ATG10: variants seen among roughly 807,000 people sequenced by gnomAD.
The protein encoded by ATG10 is ubiquitin-like-conjugating enzyme ATG10.
Under a neutral mutation model 32.1 loss-of-function variants are expected in ATG10, and 30 were observed. That is an observed-to-expected ratio of 0.94 (90% CI 0.70 to 1.27). The LOEUF is 1.27. Among genes scored for constraint, ATG10 ranks in the 50% most tolerant of loss-of-function variants. The pLI is 0.00. For missense variants in ATG10, 233 were observed against 262.3 expected, an observed-to-expected ratio of 0.89 and a Z score of 0.77; for synonymous variants, 87 against 91.5, an observed-to-expected ratio of 0.95 and a Z score of 0.28.
intron 5 of ATG10, among the ~76,000 whole-genome samples, chr5:82,198,287 C>G (rs1744938479): frequency 6.6e-6 from 1 of 152,112 alleles, no homozygotes; most frequent in Admixed American, 6.5e-5. Context: ...AAATAGAATG[C>G]TAAGTCGCCC....
intron 3 of ATG10, among the ~76,000 whole-genome samples, chr5:82,064,114 A>G (rs1649438409): frequency 6.6e-6 from 1 of 152,252 alleles, no homozygotes; most frequent in South Asian, 2.1e-4. Flanking sequence ...ATTATCTATC[A>G]TGAAAAATTA....
At chr5:82,003,478 A>G (rs1761906512) in intron 2 of ATG10, among the ~76,000 whole-genome samples, 1 of 152,224 alleles carries the variant, frequency 6.6e-6, no homozygotes, top group South Asian at 2.1e-4. Flanking sequence ...AAAGAAATCA[A>G]AGACAAGTTA....
chr5:82,006,683 C>T (rs1048628674), intron 2 of ATG10, among the ~76,000 whole-genome samples: 1 of 151,852 alleles, frequency 6.6e-6, no homozygotes, highest in Non-Finnish European at 1.5e-5. Context: ...GTAAATTTAC[C>T]ATCTTAACCA....
At chr5:82,093,546 T>C (rs1402147260) in intron 3 of ATG10, among the ~76,000 whole-genome samples, 1 of 152,180 alleles carries the variant, frequency 6.6e-6, no homozygotes, top group Non-Finnish European at 1.5e-5. Flanking sequence ...TACCACCTGT[T>C]TTTGTAAATA....
chr5:82,179,295 A>G (rs1259499373), intron 5 of ATG10, among the ~76,000 whole-genome samples: 1 of 152,098 alleles, frequency 6.6e-6, no homozygotes. Flanking sequence ...TTTATTCTTC[A>G]TTGTACATGC....
chr5:81,993,363 C>CTTTCTTTCTTTTCTT (rs1761537277), intron 2 of ATG10, among the ~76,000 whole-genome samples: 1 of 43,400 alleles, frequency 2.3e-5, no homozygotes, highest in Non-Finnish European at 4.7e-5. Context: ...TTCTTTCCTT[C>CTTTCTTTCTTTTCTT]TTTTCTTTTC....
intron 2 of ATG10, among the ~76,000 whole-genome samples, chr5:82,017,314 A>G (rs1229342791): frequency 6.6e-6 from 1 of 152,032 alleles, no homozygotes; most frequent in Admixed American, 6.5e-5. Flanking sequence ...AGCTTTTTGG[A>G]TGAGTCTTTA....
chr5:82,187,308 C>T (rs979127094), intron 5 of ATG10, among the ~76,000 whole-genome samples: 3 of 151,946 alleles, frequency 2.0e-5, no homozygotes, highest in Admixed American at 6.5e-5. Context: ...GTCAGGAGTT[C>T]GAGACCAGCC....
intron 3 of ATG10, among the ~76,000 whole-genome samples, chr5:82,138,430 G>T (rs577255236): frequency 6.6e-6 from 1 of 152,262 alleles, no homozygotes; most frequent in South Asian, 2.1e-4. Context: ...GGGCCAGAGT[G>T]CACCCTTCTT....
chr5:82,186,022 T>C (rs1427691902), intron 5 of ATG10, among the ~76,000 whole-genome samples: 2 of 152,244 alleles, frequency 1.3e-5, no homozygotes, highest in Non-Finnish European at 2.9e-5. Flanking sequence ...TGATGGCTGA[T>C]AATGACATCA....
In ATG10 at chr5:82,158,318, A is replaced by G. The variant is rs561696154; in HGVS notation, c.217-6081A>G. Among the ~76,000 whole-genome samples the G allele has an allele frequency of 6.6e-5, 10 of 152,172 alleles. No individual in the cohort carries two copies. In the South Asian group the frequency reaches 1.2e-3, roughly 19 times the overall value. On this transcript the variant is annotated intron_variant, in intron 3 of 7. Transcript: ENST00000282185. Reference sequence around the variant, plus strand: ...CAATATATTGTGACTTCTTTTTTCAATTACTCTTAATATCAAATGAAATAC... The same window carrying G: ...CAATATATTGTGACTTCTTTTTTCAGTTACTCTTAATATCAAATGAAATAC...
chr5:82,014,721 GTC>G (rs1441798897), intron 2 of ATG10, among the ~76,000 whole-genome samples: 5 of 152,136 alleles, frequency 3.3e-5, no homozygotes, highest in African/African-American at 1.2e-4. Flanking sequence ...GCCTATGTGT[GTC>G]TCTGCACGTG....
At chr5:81,993,049 C>A (rs970702419) in intron 2 of ATG10, among the ~76,000 whole-genome samples, 8 of 152,044 alleles carry the variant, frequency 5.3e-5, no homozygotes, top group Admixed American at 5.2e-4. Context: ...CCATTGTTTA[C>A]CATGATGGTC....
At chr5:82,191,139 C>T (rs977126800) in intron 5 of ATG10, among the ~76,000 whole-genome samples, 15 of 152,176 alleles carry the variant, frequency 9.9e-5, no homozygotes, top group African/African-American at 3.6e-4. Flanking sequence ...TAATGTGTTA[C>T]AGTCTGATGT....
chr5:82,139,734 G>C (rs577170377), intron 3 of ATG10, among the ~76,000 whole-genome samples: 9 of 130,694 alleles, frequency 6.9e-5, no homozygotes, highest in Non-Finnish European at 1.3e-4. Flanking sequence ...CCCCCTGCCC[G>C]GCCAGCCGCC....
chr5:82,096,900 A>G (rs1037646697), intron 3 of ATG10, among the ~76,000 whole-genome samples: 1 of 152,146 alleles, frequency 6.6e-6, no homozygotes, highest in African/African-American at 2.4e-5. Flanking sequence ...CTGTCTTTCA[A>G]TTACTTTCAT....
intron 5 of ATG10, among the ~76,000 whole-genome samples, chr5:82,184,632 C>T (rs142430462): frequency 7.4e-4 from 113 of 152,226 alleles, no homozygotes; most frequent in Non-Finnish European, 1.3e-3. Context: ...TTTACCTTAA[C>T]GGACTCCTTT....
At chr5:81,982,896 A>C (rs1761099259) in intron 1 of ATG10, among the ~76,000 whole-genome samples, 1 of 152,262 alleles carries the variant, frequency 6.6e-6, no homozygotes, top group South Asian at 2.1e-4. Context: ...TCACAGATCA[A>C]CAGGATAAGA....
rs541248181 is a variant in ATG10, at chr5:82,194,108, C to T, written c.453+15521C>T. ...AGAAATTATTGTGTCAACTAACTTGCGTTTCATACTGGGTTCAGGAAAGCC... is the reference window on the plus strand; with the variant it reads ...AGAAATTATTGTGTCAACTAACTTGTGTTTCATACTGGGTTCAGGAAAGCC... On this transcript the variant is annotated intron_variant, in intron 5 of 7. Transcript: ENST00000282185. Among the ~76,000 whole-genome samples the T allele has an allele frequency of 1.1e-3, 175 of 152,200 alleles. 2 individuals carry two copies. Among genetic ancestry groups the T allele is most frequent in the Admixed American group, 2.2e-3 (34 of 15,274 alleles).
Sources: allele counts gnomAD v4.1 joint callset (sites outside exome capture counted in the v4.1 genomes callset), GRCh38; gene constraint gnomAD v4.1.1; transcripts MANE v1.5; gene names NCBI Gene and HGNC (gene_info 2026-07-23, HGNC 2026-07-21).